The following KCNQ1 variants were observed in gnomAD, a reference collection of about 807,000 sequenced individuals.
KCNQ1 encodes the protein potassium voltage-gated channel subfamily KQT member 1.
Under a neutral mutation model 72.4 loss-of-function variants are expected in KCNQ1, and 49 were observed. That is an observed-to-expected ratio of 0.68 (90% CI 0.54 to 0.86). The LOEUF (loss-of-function observed/expected upper bound fraction) is 0.86, where lower values mean the gene tolerates loss of function less well. Among genes scored for constraint, KCNQ1 ranks in the 40% least tolerant of loss-of-function variants. The probability of loss-of-function intolerance (pLI) is 0.00; values close to 1 mark genes in which losing one functional copy is unlikely to be tolerated. For missense variants in KCNQ1, 790 were observed against 945.1 expected, an observed-to-expected ratio of 0.84 and a Z score of 2.15; for synonymous variants, 450 against 412.6, an observed-to-expected ratio of 1.09 and a Z score of -1.10.
In KCNQ1 at chr11:2,830,485, T is replaced by C. The variant is rs1447514357; in HGVS notation, c.1795-17282T>C. Among the ~76,000 whole-genome samples the C allele has an allele frequency of 6.6e-6, 1 of 152,076 alleles. No homozygotes were observed. The highest frequency in any genetic ancestry group is 1.5e-5 in the Non-Finnish European group (1 of 67,976). ...CAAACCACACCCAGTCTAGTCAGCA[T>C]GTATCCCCACACCCCAGTCCCAGTG... On this transcript the variant is annotated intron_variant, in intron 15 of 15. Coordinates refer to ENST00000155840, the MANE Select transcript of KCNQ1 (RefSeq NM_000218.3). This position sits in a 1 kb window ranked among gnomAD's most constrained non-coding sequence, Gnocchi z 7.7.
At position 2,720,226 on chromosome 11, in the gene KCNQ1, C is replaced by T. The variant is rs944927655; in HGVS notation, c.1515-48618C>T. On this transcript the variant is annotated intron_variant, in intron 11 of 15. Coordinates refer to ENST00000155840, the MANE Select transcript of KCNQ1 (RefSeq NM_000218.3). This position sits in a 1 kb window ranked among gnomAD's most constrained non-coding sequence, Gnocchi z 5.1. ...ATGGATGTGTAAAGAATCGAGAAGC[C>T]AAGTGCCCTTGCCATTTGTTATCTT... 6.6e-6 allele frequency among the ~76,000 whole-genome samples: 1 copy of T among 152,158 alleles called. No individual in the cohort carries two copies. The highest frequency in any genetic ancestry group is 2.4e-5 in the African/African-American group (1 of 41,446).
In KCNQ1 at chr11:2,674,624, G is replaced by C; in HGVS notation, c.1514+12543G>C. ...GGCTCTGGCTTAAAACAGTCACAGC[G>C]AAACATGCCTTTGAATTGGAAAGCC... On this transcript the variant is annotated intron_variant, in intron 11 of 15. Coordinates refer to ENST00000155840, the MANE Select transcript of KCNQ1 (RefSeq NM_000218.3). This position sits in a 1 kb window ranked among gnomAD's most constrained non-coding sequence, Gnocchi z 5.9. 2.5e-6 allele frequency: 1 copy of C among 398,590 alleles called. No individual in the cohort carries two copies. Among genetic ancestry groups the C allele is most frequent in the East Asian group, 3.6e-5 (1 of 28,062 alleles). The allele number at this position is 398,590 out of a possible 1,614,324, so 24.7% of individuals were successfully genotyped here.
Position 2,752,259 on chromosome 11 carries a change from C to T in KCNQ1, c.1515-16585C>T, listed in dbSNP as rs1846238946. On this transcript the variant is annotated intron_variant, in intron 11 of 15. Coordinates refer to ENST00000155840, the MANE Select transcript of KCNQ1 (RefSeq NM_000218.3). This position sits in a 1 kb window ranked among gnomAD's most constrained non-coding sequence, Gnocchi z 5.2. ...AGGTGATCTGAACCCAGCTGAGTGGCTTCCATGGAGCTGATCTGAACCCAG... is the reference window on the plus strand; with the variant it reads ...AGGTGATCTGAACCCAGCTGAGTGGTTTCCATGGAGCTGATCTGAACCCAG... 6.6e-6 allele frequency among the ~76,000 whole-genome samples: 1 copy of T among 151,338 alleles called. No homozygotes were observed. Among genetic ancestry groups the T allele is most frequent in the Admixed American group, 6.6e-5 (1 of 15,244 alleles).
chr11:2,564,288 T>C lies in KCNQ1; in HGVS notation c.478-6340T>C, dbSNP rs12279846. Among the ~76,000 whole-genome samples, 5,514 of 152,262 alleles carry C rather than the reference T, an allele frequency of 0.036. 289 individuals carry two copies. Among genetic ancestry groups the C allele is most frequent in the African/African-American group, 0.11 (4,583 of 41,546 alleles). ...CCTAGTTCCTGACAAACATGTTCTT[T>C]TTAAACATTATGGTGAAATATAAGG... On this transcript the variant is annotated intron_variant, in intron 2 of 15. Coordinates refer to ENST00000155840, the MANE Select transcript of KCNQ1 (RefSeq NM_000218.3). This position sits in a 1 kb window ranked among gnomAD's most constrained non-coding sequence, Gnocchi z 4.5.
Position 2,601,189 on chromosome 11 carries a change from C to T in KCNQ1, c.1393+12335C>T, listed in dbSNP as rs372171349. Among the ~76,000 whole-genome samples, 10 of 151,868 alleles carry T rather than the reference C, an allele frequency of 6.6e-5. No individual in the cohort carries two copies. The highest frequency in any genetic ancestry group is 3.9e-4 in the East Asian group (2 of 5,176). The stretch of plus-strand genomic sequence containing the variant: ...TTTTCCAACTCTAGCACCCCTTCCA[C>T]GAAAGTACAGAAAGAAAAAAAAATA... On this transcript the variant is annotated intron_variant, in intron 10 of 15. Coordinates refer to ENST00000155840, the MANE Select transcript of KCNQ1 (RefSeq NM_000218.3). The surrounding 1 kb of genome is among the most constrained non-coding windows in gnomAD (Gnocchi z 5.2).
Position 2,723,282 on chromosome 11 carries a change from G to A in KCNQ1, c.1515-45562G>A, listed in dbSNP as rs547829768. Reference sequence around the variant, plus strand: ...TGCCCACGGCCCTGTCCCATTTACCGTTGGGGCAAGTGAGGGACGAGGAGG... The same window carrying A: ...TGCCCACGGCCCTGTCCCATTTACCATTGGGGCAAGTGAGGGACGAGGAGG... On this transcript the variant is annotated intron_variant, in intron 11 of 15. Coordinates refer to ENST00000155840, the MANE Select transcript of KCNQ1 (RefSeq NM_000218.3). This position sits in a 1 kb window ranked among gnomAD's most constrained non-coding sequence, Gnocchi z 4.2. 2.6e-5 allele frequency among the ~76,000 whole-genome samples: 4 copies of A among 152,316 alleles called. No individual in the cohort carries two copies. The South Asian group carries it at 6.2e-4, about 24-fold the overall frequency.
intron 10 of KCNQ1, chr11:2,634,059 C>T: frequency 2.5e-6 from 1 of 397,868 alleles, no homozygotes; most frequent in Non-Finnish European, 4.4e-6. Flanking sequence ...ATTGTTTGTC[C>T]TATTTGTGGT....
intron 7 of KCNQ1, among the ~76,000 whole-genome samples, chr11:2,584,690 A>AGT (rs537796687): frequency 1.3e-5 from 2 of 150,518 alleles, no homozygotes; most frequent in Non-Finnish European, 3.0e-5. Flanking sequence ...TGTGTGTGTC[A>AGT]GTGTGTGTGT....
chr11:2,761,788 C>A (rs1846399877), intron 11 of KCNQ1, among the ~76,000 whole-genome samples: 1 of 152,254 alleles, frequency 6.6e-6, no homozygotes, highest in South Asian at 2.1e-4. Context: ...CTGGACAGAG[C>A]TGGGGGCCTG....
intron 11 of KCNQ1, among the ~76,000 whole-genome samples, chr11:2,733,221 C>A (rs780036862): frequency 2.1e-5 from 3 of 140,746 alleles, no homozygotes; most frequent in Non-Finnish European, 4.7e-5. Flanking sequence ...CCCCCACCCC[C>A]AGGCCTCTCT....
At chr11:2,546,047 CT>C (rs1053703349) in intron 2 of KCNQ1, among the ~76,000 whole-genome samples, 6 of 151,342 alleles carry the variant, frequency 4.0e-5, no homozygotes, top group African/African-American at 7.3e-5. Flanking sequence ...TTAATTTGTT[CT>C]TTTTTTTCTC....
rs1335957209 is a variant in KCNQ1, at chr11:2,808,894, T to TG, written c.1794+30860dup. ...GATGGATGGATGAACACATGGACAA[T>TG]GGGTGGGTAGATGGGTGAATAGATG... On this transcript the variant is annotated intron_variant, in intron 15 of 15. Transcript: ENST00000155840. This position sits in a 1 kb window ranked among gnomAD's most constrained non-coding sequence, Gnocchi z 6.0. Among the ~76,000 whole-genome samples the TG allele has an allele frequency of 6.6e-6, 1 of 151,564 alleles. No homozygotes were observed. The highest frequency in any genetic ancestry group is 1.5e-5 in the Non-Finnish European group (1 of 67,900).
rs567550144 is a variant in KCNQ1 at position 2,562,267 on chromosome 11, C to T, written c.478-8361C>T. 6.8e-4 allele frequency among the ~76,000 whole-genome samples: 103 copies of T among 152,250 alleles called. No homozygotes were observed. Among genetic ancestry groups the T allele is most frequent in the African/African-American group, 2.1e-3 (86 of 41,554 alleles). On this transcript the variant is annotated intron_variant, in intron 2 of 15. Coordinates refer to ENST00000155840, the MANE Select transcript of KCNQ1 (RefSeq NM_000218.3). The surrounding 1 kb of genome is among the most constrained non-coding windows in gnomAD (Gnocchi z 7.5). The stretch of plus-strand genomic sequence containing the variant: ...ATGAGGGCCCCAGCTGTGCCCAGCA[C>T]GTCACTGGGGGCCCACAAGCTCTCA...
intron 11 of KCNQ1, among the ~76,000 whole-genome samples, chr11:2,716,377 C>A (rs1326146405): frequency 6.6e-6 from 1 of 152,168 alleles, no homozygotes; most frequent in African/African-American, 2.4e-5. Flanking sequence ...GGTCAGCTGG[C>A]CAAGCCACAG....
At chr11:2,838,069 C>T (rs552254561) in intron 15 of KCNQ1, among the ~76,000 whole-genome samples, 247 of 152,342 alleles carry the variant, frequency 1.6e-3, no homozygotes, top group African/African-American at 5.7e-3. Flanking sequence ...CCAGAAACGT[C>T]CCGTCCCAAA....
intron 1 of KCNQ1, among the ~76,000 whole-genome samples, chr11:2,527,506 C>T (rs1847529825): frequency 6.6e-6 from 1 of 152,222 alleles, no homozygotes; most frequent in Admixed American, 6.5e-5. Flanking sequence ...TAGCCACCAC[C>T]ACCATCCACA....
In KCNQ1 at chr11:2,766,949, C is replaced by T. The variant is rs573295086; in HGVS notation, c.1515-1895C>T. The stretch of plus-strand genomic sequence containing the variant: ...ATCCCAGCACTTTTGGAGGCCAAGG[C>T]GGACAGATCATGAGGTCAAGAGATC... On this transcript the variant is annotated intron_variant, in intron 11 of 15. Coordinates refer to ENST00000155840, the MANE Select transcript of KCNQ1 (RefSeq NM_000218.3). The surrounding 1 kb of genome is among the most constrained non-coding windows in gnomAD (Gnocchi z 4.4). Among the ~76,000 whole-genome samples, 13 of 151,656 alleles carry T rather than the reference C, an allele frequency of 8.6e-5. No homozygotes were observed. Among genetic ancestry groups the T allele is most frequent in the South Asian group, 4.2e-4 (2 of 4,786 alleles).
rs1370016414 is a variant in KCNQ1 at position 2,690,810 on chromosome 11, C to T, written c.1514+28729C>T. On this transcript the variant is annotated intron_variant, in intron 11 of 15. Coordinates refer to ENST00000155840, the MANE Select transcript of KCNQ1 (RefSeq NM_000218.3). This position sits in a 1 kb window ranked among gnomAD's most constrained non-coding sequence, Gnocchi z 5.1. ...AGGAGGGAGGTCCCTGTCTCCTTGG[C>T]TTCCAGCTTCCAGGCTCTGGCACTC... The T allele has an allele frequency of 3.5e-5, 14 of 398,522 alleles. No homozygotes were observed. Among genetic ancestry groups the T allele is most frequent in the Non-Finnish European group, 5.7e-5 (13 of 226,090 alleles). The allele number at this position is 398,522 out of a possible 1,614,324, so 24.7% of individuals were successfully genotyped here. A position where few individuals can be genotyped will look rare whatever the true frequency, so the allele number is the denominator to read the frequency against.
At chr11:2,688,178 CCAA>C in intron 11 of KCNQ1, 1 of 398,772 alleles carries the variant, frequency 2.5e-6, no homozygotes, top group Non-Finnish European at 4.4e-6. Flanking sequence ...CAGACAGCTC[CCAA>C]GCAAGGGGGC....
Sources: gnomAD v4.1 joint callset for allele counts (sites outside exome capture counted in the v4.1 genomes callset) on GRCh38, gnomAD v4.1.1 for gene constraint, Gnocchi (gnomAD v3.1) non-coding constraint, MANE v1.5 for transcripts, NCBI Gene and HGNC (gene_info 2026-07-23, HGNC 2026-07-21) for gene names.